FOXP3: variants seen among roughly 807,000 people sequenced by gnomAD.
FOXP3 encodes forkhead box P3, also known as forkhead box protein P3.
A neutral mutation model predicts 31.2 loss-of-function variants in FOXP3; 5 were observed. The ratio of observed to expected loss-of-function variants is 0.16; its 90% CI spans 0.08 to 0.34. The LOEUF (loss-of-function observed/expected upper bound fraction) is 0.34, where lower values mean the gene tolerates loss of function less well. Among genes scored for constraint, FOXP3 ranks in the 10% least tolerant of loss-of-function variants. FOXP3 has a pLI of 1.00. For synonymous variants in FOXP3, 141 were observed against 148.8 expected, an observed-to-expected ratio of 0.95 and a Z score of 0.38; for missense variants, 251 against 363.0, an observed-to-expected ratio of 0.69 and a Z score of 2.51.
Position 49,250,468 on chromosome X carries a change from G to A in FOXP3, c.*866C>T. On this transcript the variant is annotated 3_prime_UTR_variant, in exon 12 of 12. Coordinates refer to ENST00000376207, the MANE Select transcript of FOXP3 (RefSeq NM_014009.4). ...AGCTCGGCTGCAGTTTATTGGGGAC[G>A]GTACTGTGGGTTGGGGGCCTTGGAT... 6.0e-6 allele frequency: 3 copies of A among 498,196 alleles called. No homozygotes were observed. The highest frequency in any genetic ancestry group is 5.0e-5 in the South Asian group (2 of 39,885). 41.1% of individuals were successfully genotyped at this position (498,196 alleles called of 1,213,427 possible).
chrX:49,263,487 C>G (rs1307800354), intron 1 of FOXP3, among the ~76,000 whole-genome samples: 1 of 111,903 alleles, frequency 8.9e-6, no homozygotes, highest in Non-Finnish European at 1.9e-5. Flanking sequence ...CCGGAATGTC[C>G]AACAATCGGC....
intron 9 of FOXP3, among the ~76,000 whole-genome samples, chrX:49,253,711 C>T (rs2066048791): frequency 8.9e-6 from 1 of 111,996 alleles, no homozygotes; most frequent in Non-Finnish European, 1.9e-5. Context: ...GCCCGACACT[C>T]GAGACCATAT....
In FOXP3 at chrX:49,251,423, C is replaced by A; in HGVS notation, c.1207G>T (p.Gly403Trp). Residue 403 changes from glycine to tryptophan, a missense_variant, in exon 12 of 12, where the codon GGG (glycine) becomes TGG (tryptophan). Around this residue, in one of 4 missense-constraint regions of FOXP3, gnomAD observed 36 missense variants for 88.1 expected, o/e 0.41. Transcript: ENST00000376207. ...AGCTCATCCACGGTCCACACAGCCC[C>A]CTTCTCGCTCTCCACCCGCACAAAG... ...KCFVRVESEKGAVWTVDELEF... is the reference protein window; with the variant it reads ...KCFVRVESEKWAVWTVDELEF... 1 of 1,212,059 alleles carries A rather than the reference C, an allele frequency of 8.3e-7. No individual in the cohort carries two copies. The highest frequency in any genetic ancestry group is 1.1e-6 in the Non-Finnish European group (1 of 895,553).
At chrX:49,251,988 G>C in intron 10 of FOXP3, 1 of 666,428 alleles carries the variant, frequency 1.5e-6, no homozygotes, top group Non-Finnish European at 1.8e-6. Context: ...GTTGTTCTGG[G>C]ATTAGGTAAG....
At chrX:49,259,504 T>A (rs2066097453) in intron 1 of FOXP3, among the ~76,000 whole-genome samples, 1 of 110,283 alleles carries the variant, frequency 9.1e-6, no homozygotes, top group Admixed American at 9.6e-5. Context: ...TTTCTGGCCC[T>A]CAAGCCTGGC....
intron 8 of FOXP3, 55 bp downstream of exon 8, chrX:49,255,374 C>T (rs1320546654): frequency 9.0e-7 from 1 of 1,108,974 alleles, no homozygotes. Context: ...GTGCAGACCT[C>T]CTCCCTGCCC....
chrX:49,258,178 A>T, intron 2 of FOXP3, 118 bp downstream of exon 2: 1 of 590,587 alleles, frequency 1.7e-6, no homozygotes. Flanking sequence ...CCTGGGACCC[A>T]GAAACCACTT....
chrX:49,254,979 TG>T (rs1440050694), intron 8 of FOXP3, among the ~76,000 whole-genome samples: 1 of 105,928 alleles, frequency 9.4e-6, no homozygotes, highest in Non-Finnish European at 2.0e-5. Flanking sequence ...GACGGAGTCT[TG>T]ATCTGTCGCC....
Position 49,257,544 on chromosome X carries a change from C to T in FOXP3, c.337G>A (p.Ala113Thr), listed in dbSNP as rs1398753395. Residue 113 changes from alanine to threonine, a missense_variant, in exon 4 of 12, where the codon GCC becomes ACC. Physicochemically the swap from Ala to Thr is moderately conservative, Grantham distance 58 (BLOSUM62 0). This residue lies in a region of FOXP3 where 152 missense variants were observed against 188.1 expected (regional missense o/e 0.81). Transcript: ENST00000376207. ...TGCACCTGCAGCACAGGGGTCCGGG[C>T]GTGGGCATCCACCGTTGAGAGCTGG... is the stretch of plus-strand genomic sequence containing the variant. ...MHQLSTVDAH[A>T]RTPVLQVHPL... The T allele has an allele frequency of 4.2e-6, 5 of 1,181,845 alleles. No homozygotes were observed. The highest frequency in any genetic ancestry group is 3.0e-5 in the East Asian group (1 of 33,359).
chrX:49,253,110 G>A lies in FOXP3; in HGVS notation c.1044+16C>T, dbSNP rs782694089. 12 of 1,201,169 alleles carry A rather than the reference G, an allele frequency of 1.0e-5. No individual in the cohort carries two copies. In the Admixed American group the frequency reaches 2.0e-4, roughly 20 times the overall value. ...CTTTGTCTTCCTCCTCCTTGGGGCC[G>A]AGCTGCCCTGCTTACCCAGCGGATG... On this transcript the variant is annotated intron_variant, in intron 10 of 11. Transcript: ENST00000376207.
In FOXP3 at chrX:49,264,666, T is replaced by C. The variant is rs1243649325; in HGVS notation, c.-28A>G. On this transcript the variant is annotated 5_prime_UTR_variant, in exon 1 of 12. Coordinates refer to ENST00000376207, the MANE Select transcript of FOXP3 (RefSeq NM_014009.4). ...GGGAGAGCAGGGACACTCACCTTGG[T>C]GAAGTGGACTGACAGAAAAGGATCA... is the stretch of plus-strand genomic sequence containing the variant. 20 of 751,165 alleles carry C rather than the reference T, an allele frequency of 2.7e-5. No individual in the cohort carries two copies. In the African/African-American group the frequency reaches 4.7e-4, roughly 18 times the overall value. 61.9% of individuals were successfully genotyped at this position (751,165 alleles called of 1,213,427 possible).
chrX:49,252,228 G>A (rs1457890456), intron 10 of FOXP3, among the ~76,000 whole-genome samples: 2 of 109,440 alleles, frequency 1.8e-5, no homozygotes, highest in Admixed American at 2.0e-4. Flanking sequence ...GGACTCAGGT[G>A]GGGGGTCTAG....
chrX:49,261,051 A>T (rs2066106936), intron 1 of FOXP3, among the ~76,000 whole-genome samples: 1 of 112,554 alleles, frequency 8.9e-6, no homozygotes, highest in Admixed American at 9.3e-5. Context: ...TGAGAGTGCC[A>T]GGCAGGCTCC....
At chrX:49,257,046 T>G (rs2066078683) in intron 4 of FOXP3, 34 bp from the exon 5 acceptor site, 1 of 1,136,845 alleles carries the variant, frequency 8.8e-7, no homozygotes, top group South Asian at 1.9e-5. Flanking sequence ...ATGGAGGCTG[T>G]GGGCTGGGCT....
In FOXP3 at chrX:49,262,164, G is replaced by T. The variant is rs1389417851; in HGVS notation, c.-23+2497C>A. On this transcript the variant is annotated intron_variant, in intron 1 of 11. Coordinates refer to ENST00000376207, the MANE Select transcript of FOXP3 (RefSeq NM_014009.4). ...AGTGCATGTGTGCGAGAGGAGGATT[G>T]CCTCAAATAAGAACATTTGCTGGTC... is the stretch of plus-strand genomic sequence containing the variant. 5.3e-5 allele frequency among the ~76,000 whole-genome samples: 6 copies of T among 112,523 alleles called. No individual in the cohort carries two copies. The Admixed American group carries it at 5.6e-4, about 10-fold the overall frequency.
At chrX:49,257,386 G>C (rs782063944) in intron 4 of FOXP3, 41 bp downstream of exon 4, 1 of 1,130,452 alleles carries the variant, frequency 8.8e-7, no homozygotes, top group African/African-American at 1.8e-5. Flanking sequence ...CTGGGGACTT[G>C]GGGGTTCTGT....
At position 49,257,721 on chromosome X, in the gene FOXP3, C is replaced by T; in HGVS notation, c.258G>A (p.Leu86=). 1 of 1,178,258 alleles carries T rather than the reference C, an allele frequency of 8.5e-7. No individual in the cohort carries two copies. The highest frequency in any genetic ancestry group is 1.1e-6 in the Non-Finnish European group (1 of 877,758). Residue 86 remains leucine, a synonymous_variant, in exon 3 of 12, where the codon CTG becomes CTA. Coordinates refer to ENST00000376207, the MANE Select transcript of FOXP3 (RefSeq NM_014009.4). ...GTGCCTGTAAGTGGGGCAAGGGGCCCAGCCGTGCCCCGGAGGGTGCCACCA... is the reference window on the plus strand; with the variant it reads ...GTGCCTGTAAGTGGGGCAAGGGGCCTAGCCGTGCCCCGGAGGGTGCCACCA... ...LVMVAPSGAR[L]GPLPHLQALL...
chrX:49,260,767 C>T (rs1557117104), intron 1 of FOXP3, among the ~76,000 whole-genome samples: 1 of 113,014 alleles, frequency 8.8e-6, no homozygotes, highest in Non-Finnish European at 1.9e-5. Context: ...TCACAGCCCC[C>T]GACTTGCCCA....
intron 1 of FOXP3, among the ~76,000 whole-genome samples, chrX:49,262,950 A>G (rs2066118455): frequency 8.9e-6 from 1 of 111,872 alleles, no homozygotes; most frequent in African/African-American, 3.3e-5. Context: ...GAAGCCACAG[A>G]AAAAAAGACT....
Sources: allele counts gnomAD v4.1 joint callset (sites outside exome capture counted in the v4.1 genomes callset), GRCh38; gene constraint gnomAD v4.1.1; regional missense constraint gnomAD v4.1.1; transcripts MANE v1.5; gene names NCBI Gene and HGNC (gene_info 2026-07-23, HGNC 2026-07-21).